CNTNAP2: variants seen among roughly 807,000 people sequenced by gnomAD.
CNTNAP2 encodes contactin associated protein 2, also known as contactin-associated protein-like 2.
CNTNAP2 carries 98 observed loss-of-function variants against 155.2 expected under a neutral mutation model. The observed-to-expected ratio is 0.63, with a 90% CI of 0.54 to 0.75. The LOEUF is 0.75. Among genes scored for constraint, CNTNAP2 ranks in the 30% least tolerant of loss-of-function variants. The pLI, the probability that CNTNAP2 is intolerant of heterozygous loss-of-function variation, is 0.00. For synonymous variants in CNTNAP2, 651 were observed against 631.2 expected (o/e 1.03, Z -0.47); for missense variants, 1,727 against 1,688.1 (o/e 1.02, Z -0.40).
intron 1 of CNTNAP2, among the ~76,000 whole-genome samples, chr7:146,631,345 T>A (rs1799508087): frequency 1.3e-5 from 2 of 152,190 alleles, no homozygotes; most frequent in South Asian, 4.1e-4. Flanking sequence ...GAAATTAATA[T>A]ATTCAAAAAT....
At chr7:146,862,961 A>G (rs1585127397) in intron 3 of CNTNAP2, among the ~76,000 whole-genome samples, 1 of 151,856 alleles carries the variant, frequency 6.6e-6, no homozygotes, top group African/African-American at 2.4e-5. Context: ...CTTCATGCAT[A>G]TAGATTTCCA....
intron 13 of CNTNAP2, among the ~76,000 whole-genome samples, chr7:147,880,854 G>GT (rs1799507061): frequency 1.4e-5 from 2 of 143,088 alleles, no homozygotes; most frequent in Non-Finnish European, 3.1e-5. Flanking sequence ...ATTGGAGTTG[G>GT]GTGTGTGTGT....
At chr7:146,141,230 A>G (rs1350693297) in intron 1 of CNTNAP2, among the ~76,000 whole-genome samples, 1 of 152,172 alleles carries the variant, frequency 6.6e-6, no homozygotes, top group Non-Finnish European at 1.5e-5. Context: ...TGTCGTTGTT[A>G]TATTGAAGGT....
intron 13 of CNTNAP2, among the ~76,000 whole-genome samples, chr7:147,689,528 C>T (rs147305975): frequency 0.011 from 1,655 of 152,288 alleles, 33 homozygotes; most frequent in African/African-American, 0.038. Context: ...TCTCTTTACA[C>T]ATTTGTCCGA....
intron 22 of CNTNAP2, among the ~76,000 whole-genome samples, chr7:148,405,958 C>T (rs553732996): frequency 2.6e-5 from 4 of 152,132 alleles, no homozygotes; most frequent in African/African-American, 4.8e-5. Context: ...GTCGGCCGGG[C>T]GCGGTGGCTC....
Position 146,119,412 on chromosome 7 carries a change from G to A in CNTNAP2, c.97+2439G>A, listed in dbSNP as rs541040673. 1.2e-3 allele frequency among the ~76,000 whole-genome samples: 187 copies of A among 152,170 alleles called. 1 individual carries two copies. Among genetic ancestry groups the A allele is most frequent in the Admixed American group, 2.8e-3 (43 of 15,294 alleles). ...ACTGTTAATACTATGTGTTGTACAA[G>A]CAGACTAGAATAAACTTGAAAACAA... On this transcript the variant is annotated intron_variant, in intron 1 of 23. Transcript: ENST00000361727.
chr7:147,420,362 A>G (rs10251377), intron 10 of CNTNAP2, among the ~76,000 whole-genome samples: 40,334 of 152,150 alleles, frequency 0.27, 6,158 homozygotes, highest in African/African-American at 0.41. Flanking sequence ...AATTGGTGAC[A>G]TTAAAGTTAA....
At chr7:148,066,808 T>C (rs1360018796) in intron 15 of CNTNAP2, among the ~76,000 whole-genome samples, 1 of 152,150 alleles carries the variant, frequency 6.6e-6, no homozygotes, top group Non-Finnish European at 1.5e-5. Flanking sequence ...TTAAATTCTT[T>C]TTTCTTTGTC....
chr7:147,952,931 A>C (rs2141954), intron 14 of CNTNAP2, among the ~76,000 whole-genome samples: 70,783 of 151,994 alleles, frequency 0.47, 17,830 homozygotes, highest in Middle Eastern at 0.7. Context: ...TAGCTAGTCT[A>C]ATTTTGCACC....
chr7:146,324,386 C>A (rs1285703548), intron 1 of CNTNAP2, among the ~76,000 whole-genome samples: 1 of 152,118 alleles, frequency 6.6e-6, no homozygotes, highest in Non-Finnish European at 1.5e-5. Context: ...CAGTTAAGAC[C>A]ATGAAGGTAC....
Position 146,436,670 on chromosome 7 carries a change from C to T in CNTNAP2, c.97+319697C>T, listed in dbSNP as rs185518652. Among the ~76,000 whole-genome samples, 11 of 151,930 alleles carry T rather than the reference C, an allele frequency of 7.2e-5. No homozygotes were observed. The East Asian group carries it at 2.1e-3, about 29-fold the overall frequency. On this transcript the variant is annotated intron_variant, in intron 1 of 23. Transcript: ENST00000361727. ...ATTATTTGTATCCTGGAAACAGAAA[C>T]CTCTAAAACTTGATAAATATTTTTA...
At chr7:146,162,993 A>T (rs372282739) in intron 1 of CNTNAP2, among the ~76,000 whole-genome samples, 2 of 152,194 alleles carry the variant, frequency 1.3e-5, no homozygotes, top group East Asian at 1.9e-4. Flanking sequence ...AACATCACAC[A>T]CTGGGGTCTG....
chr7:146,368,145 C>A (rs1563057445), intron 1 of CNTNAP2, among the ~76,000 whole-genome samples: 1 of 152,058 alleles, frequency 6.6e-6, no homozygotes, highest in Non-Finnish European at 1.5e-5. Context: ...CCTTGCTGAC[C>A]TTTGTATGTG....
At chr7:146,200,521 G>GACAC (rs1222453977) in intron 1 of CNTNAP2, among the ~76,000 whole-genome samples, 4,888 of 72,316 alleles carry the variant, frequency 0.068, 272 homozygotes, top group African/African-American at 0.14. Context: ...CACACACACA[G>GACAC]ACACACACAC....
rs540958341 is a variant in CNTNAP2 at position 146,970,191 on chromosome 7, A to G, written c.403-73716A>G. Among the ~76,000 whole-genome samples, 6 of 152,318 alleles carry G rather than the reference A, an allele frequency of 3.9e-5. 1 individual carries two copies. In the South Asian group the frequency reaches 1.2e-3, roughly 32 times the overall value. ...CAAAACACCAAAAGCAATGGCAACA[A>G]AAGACAAAATTGACAAATGGGATCT... On this transcript the variant is annotated intron_variant, in intron 3 of 23. Coordinates refer to ENST00000361727, the MANE Select transcript of CNTNAP2 (RefSeq NM_014141.6).
At chr7:147,130,195 C>A (rs1363028205) in intron 7 of CNTNAP2, among the ~76,000 whole-genome samples, 1 of 151,958 alleles carries the variant, frequency 6.6e-6, no homozygotes, top group Non-Finnish European at 1.5e-5. Context: ...AGGAGGATCA[C>A]TTGAGTCCAG....
rs558186013 is a variant in CNTNAP2 at position 147,520,180 on chromosome 7, C to T, written c.1777+34139C>T. Among the ~76,000 whole-genome samples the T allele has an allele frequency of 4.6e-5, 7 of 152,146 alleles. 1 individual carries two copies. Among genetic ancestry groups the T allele is most frequent in the East Asian group, 3.9e-4 (2 of 5,178 alleles). ...AACTGAGTTAATATTCTTATGAACA[C>T]GAATACTTGGCAGCCAATATTGAGG... On this transcript the variant is annotated intron_variant, in intron 11 of 23. Transcript: ENST00000361727.
intron 15 of CNTNAP2, among the ~76,000 whole-genome samples, chr7:148,049,459 C>T (rs143827700): frequency 7.6e-4 from 116 of 152,068 alleles, no homozygotes; most frequent in Middle Eastern, 3.4e-3. Flanking sequence ...TTATGATATA[C>T]AAATTTGGAT....
chr7:146,472,119 A>G (rs10262695), intron 1 of CNTNAP2, among the ~76,000 whole-genome samples: 1 of 152,182 alleles, frequency 6.6e-6, no homozygotes, highest in Admixed American at 6.5e-5. Context: ...GCACCGTTAC[A>G]TAGGCCACTG....
Sources: gnomAD v4.1 joint callset for allele counts (sites outside exome capture counted in the v4.1 genomes callset) on GRCh38, gnomAD v4.1.1 for gene constraint, MANE v1.5 for transcripts, NCBI Gene and HGNC (gene_info 2026-07-23, HGNC 2026-07-21) for gene names.